The following SAMMSON variants were observed in gnomAD, a reference collection of about 807,000 sequenced individuals.
The protein encoded by SAMMSON is survival associated mitochondrial melanoma specific oncogenic non-coding RNA.
intron 4 of SAMMSON, among the ~76,000 whole-genome samples, chr3:70,221,342 A>G (rs1166459801): frequency 3.9e-5 from 6 of 152,160 alleles, no homozygotes; most frequent in Admixed American, 3.9e-4. Context: ...TGCGGAAGTT[A>G]TTATACGTTC....
chr3:70,019,654 G>T (rs2067002741), intron 3 of SAMMSON, among the ~76,000 whole-genome samples: 1 of 152,186 alleles, frequency 6.6e-6, no homozygotes, highest in Admixed American at 6.5e-5. Context: ...CTGCTCGTCA[G>T]TTGATGCAGT....
At chr3:70,309,788 C>T (rs921713528) in intron 7 of SAMMSON, among the ~76,000 whole-genome samples, 6 of 152,076 alleles carry the variant, frequency 3.9e-5, no homozygotes, top group Admixed American at 2.6e-4. Context: ...ATATAGTAAA[C>T]ATAATTCGAG....
chr3:70,370,108 C>A (rs1383600673), intron 9 of SAMMSON, among the ~76,000 whole-genome samples: 2 of 151,856 alleles, frequency 1.3e-5, no homozygotes, highest in African/African-American at 4.8e-5. Flanking sequence ...ATAATGGCTT[C>A]CAGTTCCATC....
chr3:70,400,246 T>C (rs1038427804), intron 2 of SAMMSON, among the ~76,000 whole-genome samples: 12 of 152,172 alleles, frequency 7.9e-5, no homozygotes, highest in African/African-American at 2.9e-4. Context: ...CCAACAAAAT[T>C]GATGTTGAAT....
intron 7 of SAMMSON, among the ~76,000 whole-genome samples, chr3:70,344,107 G>A (rs1011400785): frequency 4.0e-5 from 6 of 151,798 alleles, no homozygotes; most frequent in Non-Finnish European, 5.9e-5. Flanking sequence ...AGAAGAGAGC[G>A]ATTAACCACC....
chr3:70,134,500 T>G (rs1173160724), intron 4 of SAMMSON, among the ~76,000 whole-genome samples: 1 of 152,024 alleles, frequency 6.6e-6, no homozygotes, highest in Non-Finnish European at 1.5e-5. Context: ...ATAAAATATT[T>G]CCCAATGGAT....
At chr3:70,032,197 C>T (rs1231907784) in intron 3 of SAMMSON, among the ~76,000 whole-genome samples, 1 of 152,038 alleles carries the variant, frequency 6.6e-6, no homozygotes, top group Non-Finnish European at 1.5e-5. Flanking sequence ...TTCTAGGCTG[C>T]CCTCTGAACA....
intron 7 of SAMMSON, among the ~76,000 whole-genome samples, chr3:70,314,635 G>A (rs112092670): frequency 1.2e-4 from 18 of 152,190 alleles, no homozygotes; most frequent in African/African-American, 3.9e-4. Context: ...ATGAGCCAGG[G>A]ACACGGCTGA....
chr3:70,279,046 G>A (rs1702055742), intron 6 of SAMMSON, among the ~76,000 whole-genome samples: 1 of 150,174 alleles, frequency 6.7e-6, no homozygotes, highest in South Asian at 2.2e-4. Flanking sequence ...CCCTTGTCAA[G>A]CTTTCTCCCT....
chr3:70,391,144 G>A (rs921649748), downstream of SAMMSON, among the ~76,000 whole-genome samples: 2 of 152,122 alleles, frequency 1.3e-5, no homozygotes, highest in African/African-American at 2.4e-5. Context: ...ATATGCCCTA[G>A]GAATTACATA....
intron 4 of SAMMSON, among the ~76,000 whole-genome samples, chr3:70,088,446 G>C (rs1042749592): frequency 6.6e-6 from 1 of 152,134 alleles, no homozygotes; most frequent in Non-Finnish European, 1.5e-5. Flanking sequence ...TCACCATGGT[G>C]CATCCAACGT....
At chr3:70,230,627 A>T (rs925626742) in intron 4 of SAMMSON, among the ~76,000 whole-genome samples, 1 of 152,204 alleles carries the variant, frequency 6.6e-6, no homozygotes, top group African/African-American at 2.4e-5. Context: ...TTAATTTAAC[A>T]ACAACAAAAA....
intron 6 of SAMMSON, among the ~76,000 whole-genome samples, chr3:70,254,481 G>T (rs78935718): frequency 0.013 from 2,035 of 152,132 alleles, 19 homozygotes; most frequent in Non-Finnish European, 0.02. Flanking sequence ...ACCTTCTTTT[G>T]GGCTTTCCTT....
intron 4 of SAMMSON, among the ~76,000 whole-genome samples, chr3:70,228,159 T>A (rs929709181): frequency 5.9e-5 from 9 of 152,002 alleles, no homozygotes; most frequent in African/African-American, 2.2e-4. Flanking sequence ...GTCTTTACTG[T>A]CCTTAATTTT....
chr3:70,249,023 T>TAA (rs759876959), intron 4 of SAMMSON: 1 of 152,256 alleles, frequency 6.6e-6, no homozygotes, highest in East Asian at 1.9e-4. Context: ...GATATTATCG[T>TAA]AAGTTCACAG....
At chr3:70,129,493 A>G (rs1163472208) in intron 4 of SAMMSON, among the ~76,000 whole-genome samples, 1 of 152,222 alleles carries the variant, frequency 6.6e-6, no homozygotes, top group Non-Finnish European at 1.5e-5. Flanking sequence ...AAACAATGTT[A>G]GGGATGGCCT....
chr3:70,409,396 GT>G lies in SAMMSON; in HGVS notation n.233+51078del, dbSNP rs898805062. On this transcript the variant is annotated intron_variant and non_coding_transcript_variant, in intron 2 of 3. Coordinates refer to the SAMMSON transcript ENST00000641053. The stretch of plus-strand genomic sequence containing the variant: ...TAAATAGAAAAACTTATCACACAAC[GT>G]TTTTTGCATACAGATCAAAAGTCAC... Among the ~76,000 whole-genome samples the G allele has an allele frequency of 1.7e-4, 26 of 151,152 alleles. 1 individual carries two copies. Among genetic ancestry groups the G allele is most frequent in the African/African-American group, 6.1e-4 (25 of 41,146 alleles).
chr3:70,197,568 A>G lies in SAMMSON; in HGVS notation n.508-51539A>G, dbSNP rs116053501. On this transcript the variant is annotated intron_variant and non_coding_transcript_variant, in intron 4 of 9. Coordinates refer to ENST00000642114, the Ensembl canonical transcript of SAMMSON. ...CTCCCCAAATACAAGGGGCTTAAGA[A>G]GCAGTTAGGATTGGGGACAAGGAGA... Among the ~76,000 whole-genome samples, 1,244 of 152,336 alleles carry G rather than the reference A, an allele frequency of 8.2e-3. 14 individuals carry two copies. Among genetic ancestry groups the G allele is most frequent in the African/African-American group, 0.028 (1,181 of 41,576 alleles).
chr3:70,361,128 T>C (rs1222488783), intron 9 of SAMMSON, among the ~76,000 whole-genome samples: 1 of 152,128 alleles, frequency 6.6e-6, no homozygotes, highest in Admixed American at 6.5e-5. Context: ...TTTTCTGACT[T>C]TAAGGGCAAA....
Sources: gnomAD v4.1 joint callset for allele counts (sites outside exome capture counted in the v4.1 genomes callset) on GRCh38, gnomAD v4.1.1 for gene constraint, MANE v1.5 for transcripts, NCBI Gene and HGNC (gene_info 2026-07-23, HGNC 2026-07-21) for gene names.